The following GRM7 variants were observed in gnomAD, a reference collection of about 807,000 sequenced individuals.
The protein encoded by GRM7 is metabotropic glutamate receptor 7.
GRM7 carries 35 observed loss-of-function variants against 84.5 expected under a neutral mutation model. The observed-to-expected ratio is 0.41, with a 90% CI of 0.32 to 0.55. GRM7 has a LOEUF of 0.55. Among genes scored for constraint, GRM7 ranks in the 20% least tolerant of loss-of-function variants. The probability of loss-of-function intolerance (pLI) is 0.19; values close to 1 mark genes in which losing one functional copy is unlikely to be tolerated. For missense variants in GRM7, 1,003 were observed against 1,194.6 expected (o/e 0.84, Z 2.36); for synonymous variants, 487 against 455.1 (o/e 1.07, Z -0.89).
Position 7,514,857 on chromosome 3 carries a change from G to A in GRM7, c.1515+53135G>A, listed in dbSNP as rs375178399. Among the ~76,000 whole-genome samples, 7 of 152,226 alleles carry A rather than the reference G, an allele frequency of 4.6e-5. No homozygotes were observed. In the South Asian group the frequency reaches 6.2e-4, roughly 14 times the overall value. ...TGCAGGATTTTATTCTCCAGAGTCC[G>A]CTTCGATGAAACTTTGCTCAGATTT... is the stretch of plus-strand genomic sequence containing the variant. On this transcript the variant is annotated intron_variant, in intron 7 of 9. Coordinates refer to ENST00000357716, the MANE Select transcript of GRM7 (RefSeq NM_000844.4).
chr3:7,362,566 A>G (rs2125106741), intron 4 of GRM7, among the ~76,000 whole-genome samples: 1 of 152,110 alleles, frequency 6.6e-6, no homozygotes, highest in East Asian at 1.9e-4. Context: ...GTGTTAGCTT[A>G]TGCATCTGGT....
At chr3:7,729,869 CTTTTTTTTTTT>C (rs1168461157) in intron 9 of GRM7, among the ~76,000 whole-genome samples, 5 of 69,972 alleles carry the variant, frequency 7.1e-5, no homozygotes, top group African/African-American at 2.4e-4. Context: ...CCACCTCCGG[CTTTTTTTTTTT>C]TTTTTTTTTT....
intron 4 of GRM7, among the ~76,000 whole-genome samples, chr3:7,406,776 A>G (rs1414234263): frequency 6.6e-6 from 1 of 152,180 alleles, no homozygotes; most frequent in Non-Finnish European, 1.5e-5. Context: ...TGCCTTTTCA[A>G]AAATGCATAT....
chr3:7,625,795 T>C (rs113844471), intron 8 of GRM7, among the ~76,000 whole-genome samples: 6 of 152,236 alleles, frequency 3.9e-5, no homozygotes, highest in African/African-American at 1.2e-4. Context: ...CAAGTAGAAA[T>C]GTAACATGTG....
chr3:7,725,252 C>G (rs1013760137), intron 9 of GRM7, among the ~76,000 whole-genome samples: 1 of 152,188 alleles, frequency 6.6e-6, no homozygotes, highest in South Asian at 2.1e-4. Flanking sequence ...GAAATTTAAT[C>G]CTGAAGAAAG....
chr3:7,363,976 A>G (rs1297072902), intron 4 of GRM7, among the ~76,000 whole-genome samples: 6 of 152,104 alleles, frequency 3.9e-5, no homozygotes, highest in African/African-American at 9.7e-5. Flanking sequence ...GATTAAAAAG[A>G]AAGTTTATTC....
chr3:7,542,220 C>G (rs1248629536), intron 7 of GRM7, among the ~76,000 whole-genome samples: 1 of 152,146 alleles, frequency 6.6e-6, no homozygotes, highest in Non-Finnish European at 1.5e-5. Context: ...TTGCAGGACA[C>G]AATTCAACCC....
At chr3:7,136,512 G>A (rs1343802534) in intron 1 of GRM7, among the ~76,000 whole-genome samples, 2 of 148,414 alleles carry the variant, frequency 1.3e-5, no homozygotes, top group Admixed American at 1.3e-4. Context: ...CCAAATGATA[G>A]CTTTCTTTCT....
chr3:7,101,788 A>G (rs1699117296), intron 1 of GRM7, among the ~76,000 whole-genome samples: 1 of 147,682 alleles, frequency 6.8e-6, no homozygotes, highest in Non-Finnish European at 1.5e-5. Context: ...ATATAAATAT[A>G]TAAAACTTTA....
rs376718782 is a variant in GRM7 at position 7,740,310 on chromosome 3, C to T, written c.2699-47C>T. 32 of 1,238,176 alleles carry T rather than the reference C, an allele frequency of 2.6e-5. No individual in the cohort carries two copies. The African/African-American group carries it at 3.2e-4, about 12-fold the overall frequency. 76.7% of individuals were successfully genotyped at this position (1,238,176 alleles called of 1,614,324 possible). On this transcript the variant is annotated intron_variant, in intron 9 of 9. Coordinates refer to ENST00000357716, the MANE Select transcript of GRM7 (RefSeq NM_000844.4). ...AGTTCTAATTCTATTTCTACCTTTG[C>T]AAACAGGGTTATTACTGCAACTGAC...
intron 8 of GRM7, among the ~76,000 whole-genome samples, chr3:7,644,318 G>C (rs1698523410): frequency 6.6e-6 from 1 of 152,010 alleles, no homozygotes; most frequent in Non-Finnish European, 1.5e-5. Flanking sequence ...ACACAAAAAA[G>C]AATGGAGAGG....
At chr3:7,029,332 C>A (rs1049680302) in intron 1 of GRM7, among the ~76,000 whole-genome samples, 399 of 133,594 alleles carry the variant, frequency 3.0e-3, no homozygotes, top group Admixed American at 4.6e-3. Flanking sequence ...AAAAAACAAA[C>A]AAAAAAAACA....
chr3:6,864,990 A>G (rs1044741090), intron 1 of GRM7, among the ~76,000 whole-genome samples: 5 of 152,336 alleles, frequency 3.3e-5, no homozygotes, highest in Middle Eastern at 6.8e-3. Context: ...GTGGGTTAGT[A>G]CGATGACATG....
intron 1 of GRM7, among the ~76,000 whole-genome samples, chr3:7,112,230 T>C (rs1692881064): frequency 3.4e-5 from 1 of 29,780 alleles, no homozygotes; most frequent in South Asian, 1.0e-3. Context: ...TATTTTATGA[T>C]TTTTTTTTTT....
chr3:7,092,480 G>A (rs917462395), intron 1 of GRM7, among the ~76,000 whole-genome samples: 6 of 151,968 alleles, frequency 3.9e-5, no homozygotes, highest in Non-Finnish European at 5.9e-5. Flanking sequence ...TTATTGGAAG[G>A]TTTAAATAAG....
intron 4 of GRM7, among the ~76,000 whole-genome samples, chr3:7,378,881 A>G (rs1694468946): frequency 6.6e-6 from 1 of 152,022 alleles, no homozygotes. Flanking sequence ...TCTCCCTCAC[A>G]TGTTTCAGTC....
intron 4 of GRM7, among the ~76,000 whole-genome samples, chr3:7,308,607 C>T (rs565310847): frequency 6.6e-6 from 1 of 152,234 alleles, no homozygotes; most frequent in East Asian, 1.9e-4. Flanking sequence ...GAGTTTGTTA[C>T]TTTATGCTGA....
rs576214710 is a variant in GRM7 at position 6,887,576 on chromosome 3, C to G, written c.519+25669C>G. Among the ~76,000 whole-genome samples the G allele has an allele frequency of 3.4e-3, 524 of 152,280 alleles. 4 individuals are homozygous for G. The highest frequency in any genetic ancestry group is 0.011 in the South Asian group (55 of 4,828). ...GACATGAACTCATCATTTTTTATGG[C>G]TGCATAGTATTCCATGGTGTATATA... On this transcript the variant is annotated intron_variant, in intron 1 of 9. Transcript: ENST00000357716.
intron 2 of GRM7, among the ~76,000 whole-genome samples, chr3:7,250,617 G>A (rs1024003312): frequency 5.5e-5 from 8 of 145,942 alleles, no homozygotes; most frequent in Admixed American, 4.9e-4. Context: ...GCCACCTCCT[G>A]GGTTCGAGCA....
Sources: allele counts gnomAD v4.1 joint callset (sites outside exome capture counted in the v4.1 genomes callset), GRCh38; gene constraint gnomAD v4.1.1; transcripts MANE v1.5; gene names NCBI Gene and HGNC (gene_info 2026-07-23, HGNC 2026-07-21).